Variants in ZNF723 observed in about 807,000 individuals in gnomAD.
ZNF723 encodes zinc finger protein 723, pseudogene.
Under a neutral mutation model 9.4 loss-of-function variants are expected in ZNF723, and 5 were observed. That is an observed-to-expected ratio of 0.53 (90% CI 0.28 to 1.12). The LOEUF (loss-of-function observed/expected upper bound fraction) is 1.12. Ranked by LOEUF, ZNF723 falls within the 50% of genes most tolerant of loss-of-function variation. ZNF723 has a pLI of 0.10. For synonymous variants in ZNF723, 158 were observed against 168.8 expected (o/e 0.94, Z 0.49); for missense variants, 450 against 501.5 (o/e 0.90, Z 0.98).
At chr19:22,814,940 T>C in the ZNF723 span, among the ~76,000 whole-genome samples, 1 of 152,134 alleles carries the variant, frequency 6.6e-6, no homozygotes, top group African/African-American at 2.4e-5. Flanking sequence ...GATTGTGATA[T>C]GTCACTGGGC....
rs1967344319 is a variant in ZNF723 at position 22,848,402 on chromosome 19, A to C, written c.130+15A>C. ...GGTCTTCCTGGGTGAGAATAACTTC[A>C]ATACACAATCCTCAGATACTGTAAA... On this transcript the variant is annotated intron_variant, in intron 2 of 3. Transcript: ENST00000600766. 1 of 1,362,778 alleles carries C rather than the reference A, an allele frequency of 7.3e-7. No homozygotes were observed. The allele number at this position is 1,362,778 out of a possible 1,614,324, so 84.4% of individuals were successfully genotyped here.
the ZNF723 span, among the ~76,000 whole-genome samples, chr19:22,821,727 G>A: frequency 6.6e-6 from 1 of 152,226 alleles, no homozygotes; most frequent in African/African-American, 2.4e-5. Flanking sequence ...GCCAATAAGA[G>A]TAATTTTGAC....
At chr19:22,833,043 T>C (rs1192989629) in intron 1 of ZNF723, among the ~76,000 whole-genome samples, 1 of 152,216 alleles carries the variant, frequency 6.6e-6, no homozygotes, top group African/African-American at 2.4e-5. Flanking sequence ...TCCTCTAATG[T>C]AGTAATTTTT....
At chr19:22,849,725 A>G (rs372372135) in intron 3 of ZNF723, among the ~76,000 whole-genome samples, 3 of 152,308 alleles carry the variant, frequency 2.0e-5, no homozygotes, top group East Asian at 3.9e-4. Context: ...CCTGGCCAAC[A>G]TGGTGAAACC....
At chr19:22,855,326 T>C (rs1967462446) in intron 3 of ZNF723, among the ~76,000 whole-genome samples, 1 of 151,764 alleles carries the variant, frequency 6.6e-6, no homozygotes, top group African/African-American at 2.4e-5. Context: ...CCTCCCGGGT[T>C]CAAGTGATTC....
At chr19:22,843,237 T>C (rs1397354345) in intron 1 of ZNF723, among the ~76,000 whole-genome samples, 3 of 152,224 alleles carry the variant, frequency 2.0e-5, no homozygotes, top group African/African-American at 4.8e-5. Context: ...TGTTTTATCA[T>C]TGGGCCATCA....
chr19:22,856,900 T>C (rs1462477944), intron 3 of ZNF723, among the ~76,000 whole-genome samples: 3 of 152,228 alleles, frequency 2.0e-5, no homozygotes, highest in Non-Finnish European at 4.4e-5. Flanking sequence ...TATGAGGCTC[T>C]TTGTGGCACT....
chr19:22,828,536 C>T (rs1599467667), upstream of ZNF723, among the ~76,000 whole-genome samples: 2 of 151,514 alleles, frequency 1.3e-5, no homozygotes, highest in South Asian at 4.2e-4. Flanking sequence ...GCCTGTAATC[C>T]CAGCTACTCA....
chr19:22,832,715 C>G (rs1967113006), intron 1 of ZNF723, among the ~76,000 whole-genome samples: 1 of 152,130 alleles, frequency 6.6e-6, no homozygotes, highest in Admixed American at 6.5e-5. Flanking sequence ...GTGAGGAGTT[C>G]CTGAATGGGA....
chr19:22,845,105 C>T (rs1231054184), intron 1 of ZNF723, among the ~76,000 whole-genome samples: 2 of 152,070 alleles, frequency 1.3e-5, no homozygotes, highest in East Asian at 1.9e-4. Flanking sequence ...GGTGACAGAG[C>T]GAGACTCTGT....
chr19:22,826,379 C>A, the ZNF723 span, among the ~76,000 whole-genome samples: 1 of 152,180 alleles, frequency 6.6e-6, no homozygotes, highest in African/African-American at 2.4e-5. Flanking sequence ...ACTTTCATAG[C>A]CAACATTAGG....
the ZNF723 span, among the ~76,000 whole-genome samples, chr19:22,818,437 A>G: frequency 6.6e-6 from 1 of 152,176 alleles, no homozygotes; most frequent in African/African-American, 2.4e-5. Context: ...TTGATGACTA[A>G]GACCAAGATA....
chr19:22,841,203 C>T (rs1967241113), intron 1 of ZNF723, among the ~76,000 whole-genome samples: 1 of 152,208 alleles, frequency 6.6e-6, no homozygotes, highest in African/African-American at 2.4e-5. Context: ...AGGCACTTGG[C>T]TTCATGTTGC....
chr19:22,819,732 G>A, the ZNF723 span, among the ~76,000 whole-genome samples: 1 of 152,170 alleles, frequency 6.6e-6, no homozygotes, highest in East Asian at 1.9e-4. Flanking sequence ...TATTTTCAGG[G>A]GGTGTTGTAA....
the ZNF723 span, among the ~76,000 whole-genome samples, chr19:22,820,296 C>A: frequency 6.6e-6 from 1 of 152,134 alleles, no homozygotes; most frequent in Non-Finnish European, 1.5e-5. Context: ...GTGTGTCTCT[C>A]CTGCCTAGGC....
intron 1 of ZNF723, among the ~76,000 whole-genome samples, chr19:22,845,109 ACT>A (rs996035080): frequency 9.2e-5 from 14 of 152,202 alleles, no homozygotes; most frequent in African/African-American, 2.6e-4. Context: ...ACAGAGCGAG[ACT>A]CTGTCTCAAA....
intron 1 of ZNF723, among the ~76,000 whole-genome samples, chr19:22,847,446 ATTC>A (rs1314163471): frequency 6.6e-6 from 1 of 152,068 alleles, no homozygotes; most frequent in African/African-American, 2.4e-5. Flanking sequence ...TTGATAAAAT[ATTC>A]TTCTTAGGCC....
intron 1 of ZNF723, among the ~76,000 whole-genome samples, chr19:22,839,060 G>T (rs900090566): frequency 2.6e-5 from 4 of 151,992 alleles, no homozygotes; most frequent in Non-Finnish European, 5.9e-5. Context: ...TAGAAATGGG[G>T]TTTCTTCATG....
chr19:22,855,206 T>C (rs1025262065), intron 3 of ZNF723, among the ~76,000 whole-genome samples: 2 of 151,850 alleles, frequency 1.3e-5, no homozygotes, highest in African/African-American at 4.8e-5. Context: ...GAAAATAATG[T>C]ATTTTTATAT....
Sources: allele counts gnomAD v4.1 joint callset (sites outside exome capture counted in the v4.1 genomes callset), GRCh38; gene constraint gnomAD v4.1.1; transcripts MANE v1.5; gene names NCBI Gene and HGNC (gene_info 2026-07-23, HGNC 2026-07-21).